PARP11: variants seen among roughly 807,000 people sequenced by gnomAD.
PARP11 encodes the protein protein mono-ADP-ribosyltransferase PARP11.
PARP11 carries 31 observed loss-of-function variants against 42.9 expected under a neutral mutation model. The ratio of observed to expected loss-of-function variants is 0.72; its 90% CI spans 0.54 to 0.98. The LOEUF is 0.98. PARP11 is among the 50% of genes least tolerant of loss of function. The pLI, the probability that PARP11 is intolerant of heterozygous loss-of-function variation, is 0.00. For synonymous variants in PARP11, 137 were observed against 127.3 expected (o/e 1.08, Z -0.51); for missense variants, 365 against 413.1 (o/e 0.88, Z 1.01).
chr12:3,826,687 C>G (rs914646631), intron 3 of PARP11, among the ~76,000 whole-genome samples: 1 of 152,206 alleles, frequency 6.6e-6, no homozygotes, highest in Non-Finnish European at 1.5e-5. Context: ...GTACAACTCA[C>G]AGAATTTCAA....
chr12:3,849,113 A>G (rs76052031), intron 1 of PARP11, among the ~76,000 whole-genome samples: 8,814 of 152,182 alleles, frequency 0.058, 331 homozygotes, highest in East Asian at 0.19. Context: ...ACAATGAGAC[A>G]TCATCTCACC....
intron 1 of PARP11, among the ~76,000 whole-genome samples, chr12:3,837,928 C>G (rs189425913): frequency 9.3e-4 from 141 of 151,716 alleles, no homozygotes; most frequent in Admixed American, 3.3e-3. Flanking sequence ...ATGCACTCAA[C>G]ACCCAAGATC....
rs561017256 is a variant in PARP11 at position 3,811,159 on chromosome 12, T to G, written c.*964A>C. ...AACCAGATTTGTCTCAAGCATCCCA[T>G]GCTTTCTATAATGTTTCAAAATGGA... On this transcript the variant is annotated 3_prime_UTR_variant, in exon 8 of 8. Transcript: ENST00000228820. The G allele has an allele frequency of 6.6e-6, 1 of 152,236 alleles. No individual in the cohort carries two copies. The highest frequency in any genetic ancestry group is 1.5e-5 in the Non-Finnish European group (1 of 68,040). 9.4% of individuals were successfully genotyped at this position (152,236 alleles called of 1,614,324 possible).
intron 1 of PARP11, among the ~76,000 whole-genome samples, chr12:3,862,861 T>C (rs1948321829): frequency 6.6e-6 from 1 of 152,186 alleles, no homozygotes; most frequent in Non-Finnish European, 1.5e-5. Context: ...CAGGTAGCAT[T>C]TGCTCTCCAA....
At chr12:3,832,882 C>T (rs766988666) in intron 1 of PARP11, among the ~76,000 whole-genome samples, 6 of 152,108 alleles carry the variant, frequency 3.9e-5, no homozygotes, top group Non-Finnish European at 5.9e-5. Flanking sequence ...TAGTACAAAG[C>T]GGCAAAGCAT....
chr12:3,864,866 T>G (rs956911056), intron 1 of PARP11, among the ~76,000 whole-genome samples: 1 of 152,208 alleles, frequency 6.6e-6, no homozygotes, highest in African/African-American at 2.4e-5. Flanking sequence ...TCAGTATCAT[T>G]GATCTTCACT....
At chr12:3,838,773 G>GGCGCCCTCCA (rs1445722440) in intron 1 of PARP11, among the ~76,000 whole-genome samples, 2 of 152,168 alleles carry the variant, frequency 1.3e-5, no homozygotes, top group African/African-American at 2.4e-5. Context: ...CCGCCCCTCC[G>GGCGCCCTCCA]GCGCCCTCCA....
chr12:3,828,610 G>C (rs1403960520), intron 3 of PARP11, among the ~76,000 whole-genome samples: 1 of 151,732 alleles, frequency 6.6e-6, no homozygotes. Context: ...AGACTGATGG[G>C]ATGAATAAAA....
chr12:3,844,641 T>C (rs1197603740), intron 1 of PARP11, among the ~76,000 whole-genome samples: 5 of 152,224 alleles, frequency 3.3e-5, no homozygotes, highest in South Asian at 2.1e-4. Context: ...CTTACCTCAA[T>C]TGAGTAACAG....
rs1198798753 is a variant in PARP11 at position 3,809,973 on chromosome 12, G to A, written c.*2150C>T. The A allele has an allele frequency of 6.6e-6, 1 of 152,148 alleles. No homozygotes were observed. The highest frequency in any genetic ancestry group is 1.5e-5 in the Non-Finnish European group (1 of 68,038). The allele number at this position is 152,148 out of a possible 1,614,324, so 9.4% of individuals were successfully genotyped here. ...AAGTATTGTACATGCAATGTCCTGG[G>A]TACTACTTACCTCCCACTGCACAAT... On this transcript the variant is annotated 3_prime_UTR_variant, in exon 8 of 8. Coordinates refer to ENST00000228820, the MANE Select transcript of PARP11 (RefSeq NM_020367.6).
rs1177508084 is a variant in PARP11, at chr12:3,808,885, A to G, written c.*3238T>C. 1.3e-5 allele frequency: 2 copies of G among 152,258 alleles called. No individual in the cohort carries two copies. The highest frequency in any genetic ancestry group is 4.8e-5 in the African/African-American group (2 of 41,472). The allele number at this position is 152,258 out of a possible 1,614,324, so 9.4% of individuals were successfully genotyped here. The stretch of plus-strand genomic sequence containing the variant: ...GAACTGCTAATGGAGAGCTTTAATC[A>G]TCACATGTAAAAGCAATACATTCAT... On this transcript the variant is annotated 3_prime_UTR_variant, in exon 8 of 8. Coordinates refer to ENST00000228820, the MANE Select transcript of PARP11 (RefSeq NM_020367.6).
At chr12:3,829,788 C>A (rs1197240406) in intron 2 of PARP11, 102 bp downstream of exon 2, 2 of 1,159,264 alleles carry the variant, frequency 1.7e-6, no homozygotes, top group Non-Finnish European at 2.4e-6. Context: ...TTTCCTTAAG[C>A]TTTGACTTCA....
rs150989890 is a variant in PARP11 at position 3,814,113 on chromosome 12, A to G, written c.624T>C (p.Ser208=). The G allele has an allele frequency of 3.9e-5, 62 of 1,609,268 alleles. No homozygotes were observed. Among genetic ancestry groups the G allele is most frequent in the Non-Finnish European group, 4.9e-5 (58 of 1,177,110 alleles). Residue 208 remains serine (S), a synonymous_variant, in exon 7 of 8, where the codon AGT becomes AGC. Transcript: ENST00000228820. The part of the protein sequence containing the change: ...NEQMLFHGTS[S]EFVEAICIHN... ...GAATGCAGATTGCTTCCACAAATTC[A>G]CTGCTGGTACCATGAAACAGCATTT...
chr12:3,865,799 A>G (rs972612195), intron 1 of PARP11, among the ~76,000 whole-genome samples: 5 of 151,248 alleles, frequency 3.3e-5, no homozygotes, highest in Admixed American at 1.3e-4. Flanking sequence ...CCAATCTGAA[A>G]ATCTCTGTAT....
chr12:3,842,748 T>C (rs897456865), intron 1 of PARP11, among the ~76,000 whole-genome samples: 5 of 152,222 alleles, frequency 3.3e-5, no homozygotes, highest in African/African-American at 1.2e-4. Flanking sequence ...ATCAAGTGAC[T>C]GTCCTCGTAA....
chr12:3,859,832 CAA>C (rs1340771461), intron 1 of PARP11, among the ~76,000 whole-genome samples: 12 of 151,954 alleles, frequency 7.9e-5, no homozygotes, highest in Non-Finnish European at 2.9e-5. Context: ...GACTTCAAAC[CAA>C]AAAGTGTTAC....
At chr12:3,865,683 T>A (rs1024056326) in intron 1 of PARP11, among the ~76,000 whole-genome samples, 9 of 152,130 alleles carry the variant, frequency 5.9e-5, no homozygotes, top group Non-Finnish European at 1.3e-4. Context: ...TCTTCATTAG[T>A]GTTAGCACTG....
At position 3,810,503 on chromosome 12, in the gene PARP11, T is replaced by C. The variant is rs12424076; in HGVS notation, c.*1620A>G. On this transcript the variant is annotated 3_prime_UTR_variant, in exon 8 of 8. Transcript: ENST00000228820. ...AACTGGAGAAGCTGAGGCAAGAGAA[T>C]TGCTTGAACCCGGGAGGTGGAGGTT... 18,003 of 152,180 alleles carry C rather than the reference T, an allele frequency of 0.12. 1,327 individuals carry two copies. The highest frequency in any genetic ancestry group is 0.23 in the Admixed American group (3,521 of 15,220). The allele number at this position is 152,180 out of a possible 1,614,324, so 9.4% of individuals were successfully genotyped here.
chr12:3,812,118 T>C lies in PARP11; in HGVS notation c.*5A>G. ...TTCCTTGACCACCGAGATTTGGAAG[T>C]GAAATCAATGAAAGTCTATCAAGTA... On this transcript the variant is annotated 3_prime_UTR_variant, in exon 8 of 8. Coordinates refer to ENST00000228820, the MANE Select transcript of PARP11 (RefSeq NM_020367.6). 1 of 1,563,026 alleles carries C rather than the reference T, an allele frequency of 6.4e-7. No individual in the cohort carries two copies. Among genetic ancestry groups the C allele is most frequent in the Non-Finnish European group, 8.7e-7 (1 of 1,153,952 alleles).
Sources: gnomAD v4.1 joint callset for allele counts (sites outside exome capture counted in the v4.1 genomes callset) on GRCh38, gnomAD v4.1.1 for gene constraint, MANE v1.5 for transcripts, NCBI Gene and HGNC (gene_info 2026-07-23, HGNC 2026-07-21) for gene names.